CSMD3: variants seen among roughly 807,000 people sequenced by gnomAD.
The protein encoded by CSMD3 is CUB and Sushi multiple domains 3, also known as CUB and sushi domain-containing protein 3.
In CSMD3, 177 loss-of-function variants were observed where a neutral mutation model predicts 435.2. The observed-to-expected ratio is 0.41, with a 90% CI of 0.36 to 0.46. The LOEUF (loss-of-function observed/expected upper bound fraction) is 0.46, where lower values mean the gene tolerates loss of function less well. CSMD3 is among the 20% of genes least tolerant of loss of function. The pLI is 0.34. For synonymous variants in CSMD3, 1,656 were observed against 1,520.5 expected (o/e 1.09, Z -2.07); for missense variants, 4,265 against 4,504.6 (o/e 0.95, Z 1.52).
At chr8:113,190,046 A>G (rs1259803246) in intron 3 of CSMD3, among the ~76,000 whole-genome samples, 1 of 151,300 alleles carries the variant, frequency 6.6e-6, no homozygotes. Context: ...TTTTTTATTC[A>G]TTTATTTACT....
chr8:113,193,507 G>A (rs904278660), intron 3 of CSMD3, among the ~76,000 whole-genome samples: 2 of 68,132 alleles, frequency 2.9e-5, no homozygotes, highest in African/African-American at 1.1e-4. Flanking sequence ...ACTTCTCTCT[G>A]TTACTACTGC....
At chr8:112,594,350 C>A (rs934739661) in intron 22 of CSMD3, among the ~76,000 whole-genome samples, 1 of 152,196 alleles carries the variant, frequency 6.6e-6, no homozygotes, top group Admixed American at 6.5e-5. Context: ...TATCCCGCAC[C>A]CGGCTCGGAG....
At chr8:113,018,409 C>T (rs1270404113) in intron 6 of CSMD3, among the ~76,000 whole-genome samples, 1 of 151,866 alleles carries the variant, frequency 6.6e-6, no homozygotes, top group East Asian at 1.9e-4. Context: ...TGTGGCAATG[C>T]TTACTATTCC....
intron 32 of CSMD3, among the ~76,000 whole-genome samples, chr8:112,450,780 C>G (rs1478793988): frequency 6.6e-6 from 1 of 152,160 alleles, no homozygotes; most frequent in Non-Finnish European, 1.5e-5. Context: ...AGTCAATAAT[C>G]TGGGCAATTT....
intron 5 of CSMD3, among the ~76,000 whole-genome samples, chr8:113,062,864 T>C (rs1243885310): frequency 6.6e-6 from 1 of 151,720 alleles, no homozygotes; most frequent in African/African-American, 2.4e-5. Context: ...GCTATATATA[T>C]ATTATCATTT....
chr8:112,887,459 A>T (rs1039497365), intron 10 of CSMD3, among the ~76,000 whole-genome samples: 2 of 151,506 alleles, frequency 1.3e-5, no homozygotes, highest in Admixed American at 1.3e-4. Flanking sequence ...TGTAAGTACT[A>T]TTATGTAACT....
chr8:112,544,371 A>G (rs1826962489), intron 27 of CSMD3, among the ~76,000 whole-genome samples: 1 of 151,110 alleles, frequency 6.6e-6, no homozygotes, highest in Non-Finnish European at 1.5e-5. Context: ...TCAAATAACC[A>G]TTCAATCTGA....
At chr8:113,288,184 T>C (rs7827767) in intron 2 of CSMD3, among the ~76,000 whole-genome samples, 141,508 of 151,824 alleles carry the variant, frequency 0.93, 66,044 homozygotes, top group East Asian at 1. Flanking sequence ...TTTCATTATT[T>C]TAACTTTTGG....
chr8:112,375,255 A>G (rs963757487), intron 38 of CSMD3, among the ~76,000 whole-genome samples: 9 of 152,184 alleles, frequency 5.9e-5, no homozygotes, highest in African/African-American at 2.2e-4. Context: ...TCCATGTAAT[A>G]AAGTTTTCAC....
rs559466768 is a variant in CSMD3 at position 112,919,526 on chromosome 8, G to A, written c.1633+2101C>T. On this transcript the variant is annotated intron_variant, in intron 10 of 70. Coordinates refer to ENST00000297405, the MANE Select transcript of CSMD3 (RefSeq NM_198123.2). Reference sequence around the variant, plus strand: ...CCATGATCTGGCTATAACTTCTGGTGTGAGATTTTGTTCCTACATTAACAT... The same window carrying A: ...CCATGATCTGGCTATAACTTCTGGTATGAGATTTTGTTCCTACATTAACAT... 2.0e-5 allele frequency among the ~76,000 whole-genome samples: 3 copies of A among 151,868 alleles called. No individual in the cohort carries two copies. The South Asian group carries it at 6.2e-4, about 32-fold the overall frequency.
At chr8:113,142,492 C>G (rs2091572392) in intron 4 of CSMD3, among the ~76,000 whole-genome samples, 1 of 150,904 alleles carries the variant, frequency 6.6e-6, no homozygotes. Flanking sequence ...GATTTTTCAA[C>G]AAAGCTATAA....
chr8:112,463,586 TA>T (rs1185257598), intron 32 of CSMD3, among the ~76,000 whole-genome samples: 1 of 152,180 alleles, frequency 6.6e-6, no homozygotes, highest in Non-Finnish European at 1.5e-5. Context: ...TTAACCAATC[TA>T]CATCAGATCT....
intron 1 of CSMD3, among the ~76,000 whole-genome samples, chr8:113,419,700 T>C (rs919595574): frequency 6.6e-6 from 1 of 152,200 alleles, no homozygotes; most frequent in African/African-American, 2.4e-5. Context: ...AAGTTCACCA[T>C]TGTTGTCTAA....
In CSMD3 at chr8:112,330,075, A is replaced by AG. The variant is rs538525843; in HGVS notation, c.7165+5253dup. On this transcript the variant is annotated intron_variant, in intron 45 of 70. Coordinates refer to ENST00000297405, the MANE Select transcript of CSMD3 (RefSeq NM_198123.2). ...GGAGGTCAGGTCTTTAGGTTATGTGAGGCAAAGGGGTCACACAGTTAAAGG... is the reference window on the plus strand; with the variant it reads ...GGAGGTCAGGTCTTTAGGTTATGTGAGGGCAAAGGGGTCACACAGTTAAAGG... 4.6e-3 allele frequency among the ~76,000 whole-genome samples: 698 copies of AG among 152,202 alleles called. 3 individuals are homozygous for AG. The highest frequency in any genetic ancestry group is 6.9e-3 in the Non-Finnish European group (471 of 67,984).
intron 30 of CSMD3, among the ~76,000 whole-genome samples, chr8:112,499,996 C>T (rs1234909484): frequency 1.3e-5 from 2 of 152,230 alleles, no homozygotes; most frequent in South Asian, 4.2e-4. Flanking sequence ...GTAATCCCAA[C>T]TACTCAGGGG....
In CSMD3 at chr8:112,362,666, A is replaced by G. The variant is rs547127427; in HGVS notation, c.6137-10132T>C. Among the ~76,000 whole-genome samples, 14 of 144,610 alleles carry G rather than the reference A, an allele frequency of 9.7e-5. No individual in the cohort carries two copies. In the East Asian group the frequency reaches 2.9e-3, roughly 30 times the overall value. 94.9% of individuals were successfully genotyped at this position (144,610 alleles called of 152,430 possible). A position where few individuals can be genotyped will look rare whatever the true frequency, so the allele number is the denominator to read the frequency against. ...GCTCTAAAGAGACTCTTGACGGAAC[A>G]GGAGAGGAGTTTGATTTGACAGATG... On this transcript the variant is annotated intron_variant, in intron 38 of 70. Coordinates refer to ENST00000297405, the MANE Select transcript of CSMD3 (RefSeq NM_198123.2).
intron 11 of CSMD3, among the ~76,000 whole-genome samples, chr8:112,843,267 C>T (rs1293586731): frequency 2.6e-5 from 4 of 151,520 alleles, no homozygotes; most frequent in Non-Finnish European, 5.9e-5. Context: ...GGTGATGTGC[C>T]TTGAGGGCTC....
intron 1 of CSMD3, among the ~76,000 whole-genome samples, chr8:113,386,302 T>C (rs1462102277): frequency 6.6e-6 from 1 of 151,908 alleles, no homozygotes; most frequent in Non-Finnish European, 1.5e-5. Context: ...ATTTTGACCA[T>C]TTACAAGCTG....
At chr8:112,246,890 T>C (rs1190467400) in intron 64 of CSMD3, 130 bp downstream of exon 64, 3 of 725,224 alleles carry the variant, frequency 4.1e-6, no homozygotes, top group Admixed American at 2.0e-5. Flanking sequence ...ATTATATGCA[T>C]ATAATATGTT....
Sources: gnomAD v4.1 joint callset for allele counts (sites outside exome capture counted in the v4.1 genomes callset) on GRCh38, gnomAD v4.1.1 for gene constraint, MANE v1.5 for transcripts, NCBI Gene and HGNC (gene_info 2026-07-23, HGNC 2026-07-21) for gene names.